The following PCBP3 variants were observed in gnomAD, a reference collection of about 807,000 sequenced individuals.
The protein encoded by PCBP3 is poly(rC)-binding protein 3.
In PCBP3, 25 loss-of-function variants were observed where a neutral mutation model predicts 52.7. The observed-to-expected ratio is 0.47, with a 90% CI of 0.35 to 0.66. PCBP3 has a LOEUF of 0.66. Ranked by LOEUF, PCBP3 falls within the 30% of genes least tolerant of loss-of-function variation. The pLI is 0.01. For missense variants in PCBP3, 391 were observed against 490.3 expected, an observed-to-expected ratio of 0.80 and a Z score of 1.91; for synonymous variants, 162 against 183.0, an observed-to-expected ratio of 0.89 and a Z score of 0.93.
chr21:45,922,174 C>T (rs1460977459), intron 13 of PCBP3, among the ~76,000 whole-genome samples: 1 of 152,102 alleles, frequency 6.6e-6, no homozygotes, highest in African/African-American at 2.4e-5. Flanking sequence ...TTGACTCTCA[C>T]CCAGCACGTC....
chr21:45,694,188 AAAC>A (rs760427066), intron 2 of PCBP3, among the ~76,000 whole-genome samples: 8 of 152,160 alleles, frequency 5.3e-5, no homozygotes, highest in Non-Finnish European at 8.8e-5. Flanking sequence ...AAAACAACAA[AAAC>A]AACAACCAAC....
At position 45,853,327 on chromosome 21, in the gene PCBP3, C is replaced by CA. The variant is rs1015036077; in HGVS notation, c.10+3234dup. 2.0e-5 allele frequency among the ~76,000 whole-genome samples: 3 copies of CA among 152,178 alleles called. No homozygotes were observed. The highest frequency in any genetic ancestry group is 7.2e-5 in the African/African-American group (3 of 41,438). On this transcript the variant is annotated intron_variant, in intron 5 of 17. Coordinates refer to ENST00000681687, the MANE Select transcript of PCBP3 (RefSeq NM_001384156.1). The surrounding 1 kb of genome is among the most constrained non-coding windows in gnomAD (Gnocchi z 4.6). ...GCCAGATGCCGTGGGTTGGGTGTGC[C>CA]AATGGCCCTTAAAGGCAGGGCTGGC...
intron 15 of PCBP3, 108 bp downstream of exon 15, chr21:45,930,953 G>A: frequency 6.7e-7 from 1 of 1,485,074 alleles, no homozygotes; most frequent in Admixed American, 2.0e-5. Flanking sequence ...AGCTTCCATG[G>A]GAGGCTGTGG....
At chr21:45,858,870 C>G (rs1266488837) in intron 5 of PCBP3, 1 of 152,150 alleles carries the variant, frequency 6.6e-6, no homozygotes, top group Non-Finnish European at 1.5e-5. Context: ...GAGTAAGTCT[C>G]ATGAGATCTG....
intron 8 of PCBP3, 69 bp from the exon 9 acceptor site, chr21:45,900,928 T>G: frequency 9.4e-7 from 1 of 1,061,520 alleles, no homozygotes; most frequent in Non-Finnish European, 1.5e-6. Context: ...GTCAACGGAC[T>G]TGCGGCCCCC....
intron 2 of PCBP3, among the ~76,000 whole-genome samples, chr21:45,712,775 T>G (rs910763449): frequency 1.3e-5 from 2 of 151,884 alleles, no homozygotes; most frequent in Non-Finnish European, 2.9e-5. Flanking sequence ...CAATCATGGC[T>G]CACTGCAGCC....
intron 2 of PCBP3, among the ~76,000 whole-genome samples, chr21:45,722,321 A>G (rs1312059281): frequency 1.2e-4 from 18 of 152,230 alleles, no homozygotes; most frequent in Admixed American, 1.2e-3. Context: ...TAGAAGTACA[A>G]CCAAAGGCTT....
At chr21:45,701,136 T>A (rs1335129307) in intron 2 of PCBP3, among the ~76,000 whole-genome samples, 3 of 152,370 alleles carry the variant, frequency 2.0e-5, no homozygotes, top group Middle Eastern at 3.4e-3. Flanking sequence ...AAAGTTGAAA[T>A]GAATCCATCA....
rs371272676 is a variant in PCBP3, at chr21:45,896,398, G to A, written c.165+36G>A. The A allele has an allele frequency of 3.0e-4, 469 of 1,543,586 alleles. 1 individual carries two copies. The highest frequency in any genetic ancestry group is 9.0e-4 in the Middle Eastern group (5 of 5,562). On this transcript the variant is annotated intron_variant, in intron 6 of 17. Coordinates refer to ENST00000681687, the MANE Select transcript of PCBP3 (RefSeq NM_001384156.1). Reference sequence around the variant, plus strand: ...CCGCCATTGTCTCTGTAGGAAAGGCGGCCGCGGCAGACAGAACCAGAGATG... The same window carrying A: ...CCGCCATTGTCTCTGTAGGAAAGGCAGCCGCGGCAGACAGAACCAGAGATG...
At chr21:45,658,681 G>A (rs1299814702) in intron 1 of PCBP3, among the ~76,000 whole-genome samples, 1 of 152,116 alleles carries the variant, frequency 6.6e-6, no homozygotes, top group Non-Finnish European at 1.5e-5. Flanking sequence ...TCTGGTTTTG[G>A]TATTAGGGTA....
chr21:45,889,068 A>G (rs1184193407), intron 5 of PCBP3, among the ~76,000 whole-genome samples: 1 of 152,208 alleles, frequency 6.6e-6, no homozygotes, highest in African/African-American at 2.4e-5. Context: ...AAAGAAAGGA[A>G]TCTTTCGTTC....
At position 45,848,757 on chromosome 21, in the gene PCBP3, G is replaced by A. The variant is rs531786668; in HGVS notation, c.-125-1204G>A. Among the ~76,000 whole-genome samples the A allele has an allele frequency of 2.8e-4, 42 of 152,224 alleles. 1 individual carries two copies. The South Asian group carries it at 7.7e-3, about 28-fold the overall frequency. On this transcript the variant is annotated intron_variant, in intron 4 of 17. Coordinates refer to ENST00000681687, the MANE Select transcript of PCBP3 (RefSeq NM_001384156.1). ...TACTCATTTTGCTTTGGACTGCAGC[G>A]CTGGGTGGGAGTTCTCAGTTCCATT...
intron 5 of PCBP3, among the ~76,000 whole-genome samples, chr21:45,894,684 G>A (rs910235691): frequency 6.6e-5 from 10 of 152,330 alleles, no homozygotes; most frequent in South Asian, 2.1e-4. Context: ...AGTAGCTGCC[G>A]CCGCCCACAC....
chr21:45,906,030 A>G (rs1045325933), intron 9 of PCBP3, among the ~76,000 whole-genome samples: 2 of 152,158 alleles, frequency 1.3e-5, no homozygotes, highest in Non-Finnish European at 1.5e-5. Context: ...CTGAATCGCT[A>G]GGGAGATTTA....
At chr21:45,681,253 T>C (rs2081826451) in intron 2 of PCBP3, among the ~76,000 whole-genome samples, 1 of 152,168 alleles carries the variant, frequency 6.6e-6, no homozygotes, top group East Asian at 1.9e-4. Flanking sequence ...TTCTGAGAGG[T>C]TTTATCACAA....
At chr21:45,883,723 G>A (rs755613655) in intron 5 of PCBP3, among the ~76,000 whole-genome samples, 3 of 152,054 alleles carry the variant, frequency 2.0e-5, no homozygotes, top group Non-Finnish European at 2.9e-5. Context: ...ATTAATGGTT[G>A]CACGATACGC....
intron 4 of PCBP3, among the ~76,000 whole-genome samples, chr21:45,797,095 A>G (rs1309295131): frequency 1.3e-5 from 2 of 152,202 alleles, no homozygotes; most frequent in African/African-American, 4.8e-5. Flanking sequence ...GGGGAAACAC[A>G]TGGTACAGTA....
intron 13 of PCBP3, among the ~76,000 whole-genome samples, chr21:45,925,517 C>G (rs1040104604): frequency 4.6e-5 from 7 of 151,992 alleles, no homozygotes; most frequent in Admixed American, 3.9e-4. Context: ...CAAAGGCTGC[C>G]AGACTATATT....
At chr21:45,912,782 C>A (rs1380323076) in intron 11 of PCBP3, among the ~76,000 whole-genome samples, 1 of 152,172 alleles carries the variant, frequency 6.6e-6, no homozygotes, top group East Asian at 1.9e-4. Context: ...CCGGGGAGGG[C>A]AGCAGCGGCT....
Sources: gnomAD v4.1 joint callset for allele counts (sites outside exome capture counted in the v4.1 genomes callset) on GRCh38, gnomAD v4.1.1 for gene constraint, Gnocchi (gnomAD v3.1) non-coding constraint, MANE v1.5 for transcripts, NCBI Gene and HGNC (gene_info 2026-07-23, HGNC 2026-07-21) for gene names.